PCNX2: variants seen among roughly 807,000 people sequenced by gnomAD.
The protein encoded by PCNX2 is pecanex-like protein 2.
PCNX2 carries 168 observed loss-of-function variants against 223.8 expected under a neutral mutation model. The observed-to-expected ratio is 0.75, with a 90% CI of 0.66 to 0.85. PCNX2 has a LOEUF of 0.85. PCNX2 is among the 40% of genes least tolerant of loss of function. The pLI is 0.00. For missense variants in PCNX2, 2,507 were observed against 2,675.5 expected, an observed-to-expected ratio of 0.94 and a Z score of 1.39; for synonymous variants, 1,006 against 1,052.6, an observed-to-expected ratio of 0.96 and a Z score of 0.86.
intron 19 of PCNX2, among the ~76,000 whole-genome samples, chr1:233,151,997 G>A (rs545585329): frequency 1.1e-4 from 16 of 152,216 alleles, no homozygotes; most frequent in African/African-American, 2.6e-4. Context: ...TTTTCCTCCC[G>A]CTGCAGTGTA....
In PCNX2 at chr1:233,258,644, T is replaced by C. The variant is rs1174446393; in HGVS notation, c.1218A>G (p.Val406=). ...GGTTAGTGGGCTCAGCGTCAGACTT[T>C]ACACTGGTCTTCTCTGTGCCAACCA... is the stretch of plus-strand genomic sequence containing the variant. ...LRVVGTEKTS[V]KSDAEPTNPG... is the part of the protein sequence containing the mutation. Residue 406 remains valine (V), a synonymous_variant, in exon 5 of 34, where the codon GTA becomes GTG. Coordinates refer to ENST00000258229, the MANE Select transcript of PCNX2 (RefSeq NM_014801.4). 2 of 1,613,996 alleles carry C rather than the reference T, an allele frequency of 1.2e-6. No homozygotes were observed. Among genetic ancestry groups the C allele is most frequent in the Non-Finnish European group, 1.7e-6 (2 of 1,179,888 alleles).
chr1:233,066,672 C>T (rs1382817823), intron 23 of PCNX2, among the ~76,000 whole-genome samples: 4 of 152,222 alleles, frequency 2.6e-5, no homozygotes, highest in African/African-American at 7.2e-5. Flanking sequence ...AGGCCAGTAG[C>T]GCAAACCAAG....
chr1:233,014,758 C>T lies in PCNX2; in HGVS notation c.4859G>A (p.Ser1620Asn). The T allele has an allele frequency of 2.5e-6, 4 of 1,613,968 alleles. No homozygotes were observed. The African/African-American group carries it at 5.3e-5, about 22-fold the overall frequency. The change falls in exon 28 of 34, where the codon AGT becomes AAT. Residue 1620 changes from serine (S) to asparagine (N), a missense_variant. By Grantham distance (46) the Ser-to-Asn change is conservative (BLOSUM62 1). This residue lies in a region of PCNX2 where 1,372 missense variants were observed against 1,509.4 expected (regional missense o/e 0.91). Transcript: ENST00000258229. ...AGTCACCAAGGGAGAGTCCTCGTCACTGTCCAGGGTCGTTGAAGGCTGAAA... is the reference window on the plus strand; with the variant it reads ...AGTCACCAAGGGAGAGTCCTCGTCATTGTCCAGGGTCGTTGAAGGCTGAAA... Reference protein sequence around the residue: ...KRQEPSTTLDSDEDSPLVTLS... With the variant: ...KRQEPSTTLDNDEDSPLVTLS...
intron 21 of PCNX2, among the ~76,000 whole-genome samples, chr1:233,099,782 C>A (rs2102955627): frequency 6.6e-6 from 1 of 152,238 alleles, no homozygotes; most frequent in South Asian, 2.1e-4. Flanking sequence ...ACCACACTGG[C>A]CATTGTGTAT....
chr1:233,259,678 G>GTGTTC (rs1165639979), intron 4 of PCNX2, among the ~76,000 whole-genome samples: 1 of 152,024 alleles, frequency 6.6e-6, no homozygotes, highest in Non-Finnish European at 1.5e-5. Flanking sequence ...CTGTGTCCAT[G>GTGTTC]TGTTCTCATT....
intron 3 of PCNX2, 86 bp downstream of exon 3, chr1:233,261,959 A>G (rs1660071283): frequency 6.4e-7 from 1 of 1,562,534 alleles, no homozygotes. Flanking sequence ...GCAAGCTACA[A>G]TCACTGCTGC....
chr1:233,058,806 C>T (rs542855242), intron 23 of PCNX2, among the ~76,000 whole-genome samples: 3 of 151,728 alleles, frequency 2.0e-5, no homozygotes, highest in Non-Finnish European at 2.9e-5. Context: ...GCTGGGATTA[C>T]AGACATGCGC....
At chr1:233,314,348 G>A in the PCNX2 span, among the ~76,000 whole-genome samples, 1 of 152,092 alleles carries the variant, frequency 6.6e-6, no homozygotes, top group Admixed American at 6.6e-5. Context: ...TAAACAGTGT[G>A]GGGGAGAATT....
intron 23 of PCNX2, among the ~76,000 whole-genome samples, chr1:233,065,864 TA>T (rs1672582082): frequency 1.3e-5 from 2 of 152,284 alleles, no homozygotes; most frequent in South Asian, 2.1e-4. Context: ...CCTAGGCAGA[TA>T]GGGGTGGGTC....
chr1:233,278,945 T>A (rs886923528), intron 1 of PCNX2, among the ~76,000 whole-genome samples: 31 of 152,200 alleles, frequency 2.0e-4, no homozygotes, highest in Non-Finnish European at 3.2e-4. Flanking sequence ...ATCTATAATC[T>A]TACTCTGCTA....
chr1:233,094,502 C>A (rs1346356060), intron 22 of PCNX2, among the ~76,000 whole-genome samples: 2 of 152,154 alleles, frequency 1.3e-5, no homozygotes, highest in Non-Finnish European at 2.9e-5. Flanking sequence ...CAATGCACAT[C>A]TAAGAATAGC....
chr1:233,304,756 A>G, the PCNX2 span, among the ~76,000 whole-genome samples: 2 of 152,224 alleles, frequency 1.3e-5, no homozygotes, highest in African/African-American at 4.8e-5. Context: ...AAAGCAAGGA[A>G]GGATTTTAAC....
chr1:233,031,174 T>A (rs1373142358), intron 25 of PCNX2, among the ~76,000 whole-genome samples: 1 of 152,220 alleles, frequency 6.6e-6, no homozygotes, highest in Non-Finnish European at 1.5e-5. Context: ...AATTTTTCAG[T>A]TTTATAATTG....
Position 233,227,211 on chromosome 1 carries a change from T to A in PCNX2, c.2504+15A>T. 6.2e-7 allele frequency: 1 copy of A among 1,608,880 alleles called. No individual in the cohort carries two copies. The highest frequency in any genetic ancestry group is 8.5e-7 in the Non-Finnish European group (1 of 1,177,300). On this transcript the variant is annotated intron_variant, in intron 10 of 33. Coordinates refer to ENST00000258229, the MANE Select transcript of PCNX2 (RefSeq NM_014801.4). ...TGTGCCTTCCGACAGTGTGTGTGCA[T>A]GCTCAGTGGCTTACCGATCAAGTAA...
intron 25 of PCNX2, among the ~76,000 whole-genome samples, chr1:233,035,243 G>A (rs1671413311): frequency 6.6e-6 from 1 of 152,086 alleles, no homozygotes; most frequent in Non-Finnish European, 1.5e-5. Flanking sequence ...TGGGCTTCTT[G>A]GTCCTTCAAT....
At chr1:233,221,269 C>T (rs1657362638) in intron 10 of PCNX2, among the ~76,000 whole-genome samples, 1 of 151,590 alleles carries the variant, frequency 6.6e-6, no homozygotes, top group Non-Finnish European at 1.5e-5. Flanking sequence ...TTCCACTGTG[C>T]ACTTTTAATA....
chr1:233,166,567 G>A (rs1326480440), intron 17 of PCNX2, among the ~76,000 whole-genome samples: 1 of 152,092 alleles, frequency 6.6e-6, no homozygotes, highest in African/African-American at 2.4e-5. Flanking sequence ...ATGATAAAAA[G>A]TTCTGAACAG....
chr1:233,161,510 T>A, intron 17 of PCNX2, 147 bp from the exon 18 acceptor site: 3 of 661,504 alleles, frequency 4.5e-6, no homozygotes, highest in Non-Finnish European at 5.4e-6. Context: ...TGGCACATAC[T>A]GGATGGGCTG....
intron 2 of PCNX2, 45 bp from the exon 3 acceptor site, chr1:233,262,210 A>C: frequency 6.2e-7 from 1 of 1,608,986 alleles, no homozygotes; most frequent in South Asian, 1.1e-5. Flanking sequence ...GATATTATCA[A>C]ACAGAAGCAT....
Sources: allele counts gnomAD v4.1 joint callset (sites outside exome capture counted in the v4.1 genomes callset), GRCh38; gene constraint gnomAD v4.1.1; regional missense constraint gnomAD v4.1.1; transcripts MANE v1.5; gene names NCBI Gene and HGNC (gene_info 2026-07-23, HGNC 2026-07-21).